Variants in CPNE8 observed in about 807,000 individuals in gnomAD.
CPNE8 encodes the protein copine-8.
CPNE8 carries 45 observed loss-of-function variants against 81.5 expected under a neutral mutation model. The ratio of observed to expected loss-of-function variants is 0.55; its 90% CI spans 0.44 to 0.71. The LOEUF is 0.71. CPNE8 is among the 30% of genes least tolerant of loss of function. The probability of loss-of-function intolerance (pLI) is 0.00; values close to 1 mark genes in which losing one functional copy is unlikely to be tolerated. For synonymous variants in CPNE8, 252 were observed against 226.3 expected (o/e 1.11, Z -1.02); for missense variants, 594 against 672.1 (o/e 0.88, Z 1.28).
At chr12:38,796,912 A>G (rs1942493064) in intron 6 of CPNE8, among the ~76,000 whole-genome samples, 1 of 152,180 alleles carries the variant, frequency 6.6e-6, no homozygotes, top group Non-Finnish European at 1.5e-5. Context: ...CATGGCTCAG[A>G]GGGTCCTACG....
intron 6 of CPNE8, among the ~76,000 whole-genome samples, chr12:38,813,382 G>T (rs1007112039): frequency 6.6e-6 from 1 of 152,152 alleles, no homozygotes; most frequent in African/African-American, 2.4e-5. Flanking sequence ...AAGAATGATA[G>T]AGGGGAAAAA....
At chr12:38,672,862 T>C (rs1939206404) in intron 18 of CPNE8, among the ~76,000 whole-genome samples, 1 of 152,206 alleles carries the variant, frequency 6.6e-6, no homozygotes, top group African/African-American at 2.4e-5. Context: ...TGGCAACATA[T>C]TGTATTTCTT....
At chr12:38,864,808 A>C (rs1218465423) in intron 3 of CPNE8, among the ~76,000 whole-genome samples, 1 of 152,224 alleles carries the variant, frequency 6.6e-6, no homozygotes, top group African/African-American at 2.4e-5. Flanking sequence ...AAAGAGAACA[A>C]AAGCACAGAT....
chr12:38,792,065 A>G (rs1942338047), intron 6 of CPNE8, among the ~76,000 whole-genome samples: 2 of 151,262 alleles, frequency 1.3e-5, no homozygotes, highest in South Asian at 4.1e-4. Flanking sequence ...TACATACCAA[A>G]CTTATGATAT....
At chr12:38,906,289 C>T (rs1389329455), upstream of CPNE8, 1 of 985,492 alleles carries the variant, frequency 1.0e-6, no homozygotes, top group Non-Finnish European at 1.2e-6. Context: ...AACCTTGGAA[C>T]ACGGTGGCAA....
chr12:38,884,204 TCC>T (rs1324585303), intron 1 of CPNE8, among the ~76,000 whole-genome samples: 1 of 152,086 alleles, frequency 6.6e-6, no homozygotes, highest in African/African-American at 2.4e-5. Context: ...CTATTCCACT[TCC>T]CCGAGCCCCT....
chr12:38,761,853 C>A (rs1244649549), intron 9 of CPNE8, among the ~76,000 whole-genome samples: 1 of 152,146 alleles, frequency 6.6e-6, no homozygotes, highest in Non-Finnish European at 1.5e-5. Flanking sequence ...AGTGTTGCAA[C>A]TTTCGTGTTT....
chr12:38,672,542 G>A (rs1429826995), intron 18 of CPNE8, among the ~76,000 whole-genome samples: 1 of 152,192 alleles, frequency 6.6e-6, no homozygotes, highest in African/African-American at 2.4e-5. Context: ...GTATGAGACA[G>A]ATTTGCATTT....
chr12:38,875,324 C>T (rs188444174), intron 1 of CPNE8, among the ~76,000 whole-genome samples: 1,652 of 151,874 alleles, frequency 0.011, 22 homozygotes, highest in South Asian at 0.039. Context: ...AAAATTTCCA[C>T]CTAAAATTAG....
intron 6 of CPNE8, among the ~76,000 whole-genome samples, chr12:38,826,419 CT>C (rs759069587): frequency 6.6e-6 from 1 of 152,186 alleles, no homozygotes; most frequent in South Asian, 2.1e-4. Context: ...GTTTTGAAGT[CT>C]TTCCCTCATT....
rs751742677 is a variant in CPNE8 at position 38,724,879 on chromosome 12, T to C, written c.819A>G (p.Lys273=). 2.6e-6 allele frequency: 4 copies of C among 1,515,846 alleles called. No homozygotes were observed. Among genetic ancestry groups the C allele is most frequent in the Non-Finnish European group, 2.7e-6 (3 of 1,099,648 alleles). The allele number at this position is 1,515,846 out of a possible 1,614,324, so 93.9% of individuals were successfully genotyped here. Reference sequence around the variant, plus strand: ...AATTAGTATATTTTTTCTTTTTTCCTTTCTTTTTGGGATTCACCACCTTAA... The same window carrying C: ...AATTAGTATATTTTTTCTTTTTTCCCTTCTTTTTGGGATTCACCACCTTAA... ...NVYEVVNPKK[K]GKKKKYTNSG... The change falls in exon 12 of 20, where the codon AAA becomes AAG. Residue 273 remains lysine, a synonymous_variant. Transcript: ENST00000331366.
At chr12:38,851,864 T>C (rs1943651998) in intron 3 of CPNE8, among the ~76,000 whole-genome samples, 1 of 152,182 alleles carries the variant, frequency 6.6e-6, no homozygotes, top group South Asian at 2.1e-4. Context: ...CTTCTTTCTC[T>C]TTGCTCCAGC....
At chr12:38,728,406 C>G (rs555815419) in intron 11 of CPNE8, among the ~76,000 whole-genome samples, 1 of 151,892 alleles carries the variant, frequency 6.6e-6, no homozygotes, top group African/African-American at 2.4e-5. Context: ...TAAAAAGGAG[C>G]CAAACAAGAA....
intron 10 of CPNE8, among the ~76,000 whole-genome samples, chr12:38,751,584 T>A (rs947441617): frequency 6.6e-6 from 1 of 152,200 alleles, no homozygotes; most frequent in South Asian, 2.1e-4. Context: ...GCTAGGAATG[T>A]TGATACTACA....
At chr12:38,752,174 G>A (rs1008514104) in intron 10 of CPNE8, among the ~76,000 whole-genome samples, 4 of 152,022 alleles carry the variant, frequency 2.6e-5, no homozygotes, top group South Asian at 2.1e-4. Context: ...GGCAACATTC[G>A]ATTATTTATT....
chr12:38,847,989 A>C (rs923715131), intron 4 of CPNE8, among the ~76,000 whole-genome samples: 17 of 151,946 alleles, frequency 1.1e-4, no homozygotes, highest in Admixed American at 2.0e-4. Context: ...TGGAAAAAAA[A>C]CTCTATAATA....
chr12:38,736,219 ATG>A (rs1555150086), intron 10 of CPNE8, among the ~76,000 whole-genome samples: 4 of 149,798 alleles, frequency 2.7e-5, no homozygotes, highest in Non-Finnish European at 3.0e-5. Flanking sequence ...GGGTGTATAT[ATG>A]TGTGTGTGTG....
At chr12:38,686,173 T>C (rs1939530923) in intron 15 of CPNE8, among the ~76,000 whole-genome samples, 1 of 152,092 alleles carries the variant, frequency 6.6e-6, no homozygotes, top group African/African-American at 2.4e-5. Flanking sequence ...ATCTGCCACA[T>C]GAACATTTTC....
chr12:38,654,805 C>T (rs1390683946), intron 19 of CPNE8, among the ~76,000 whole-genome samples: 2 of 152,104 alleles, frequency 1.3e-5, no homozygotes, highest in Non-Finnish European at 2.9e-5. Context: ...TATAAAAATA[C>T]TACCCAATTC....
Sources: gnomAD v4.1 joint callset for allele counts (sites outside exome capture counted in the v4.1 genomes callset) on GRCh38, gnomAD v4.1.1 for gene constraint, MANE v1.5 for transcripts, NCBI Gene and HGNC (gene_info 2026-07-23, HGNC 2026-07-21) for gene names.